The following TTI1 variants were observed in gnomAD, a reference collection of about 807,000 sequenced individuals.
The protein encoded by TTI1 is TELO2-interacting protein 1 homolog.
A neutral mutation model predicts 85.4 loss-of-function variants in TTI1; 52 were observed. The ratio of observed to expected loss-of-function variants is 0.61; its 90% CI spans 0.49 to 0.77. TTI1 has a LOEUF of 0.77. Ranked by LOEUF, TTI1 falls within the 30% of genes least tolerant of loss-of-function variation. The pLI is 0.00. For missense variants in TTI1, 1,173 were observed against 1,296.0 expected, an observed-to-expected ratio of 0.91 and a Z score of 1.46; for synonymous variants, 512 against 503.9, an observed-to-expected ratio of 1.02 and a Z score of -0.22.
chr20:37,984,743 C>T (rs371220139), intron 7 of TTI1, among the ~76,000 whole-genome samples: 1 of 152,166 alleles, frequency 6.6e-6, no homozygotes, highest in East Asian at 1.9e-4. Context: ...ACATATTGAC[C>T]ATTGATTGTC....
chr20:37,996,784 T>C lies in TTI1; in HGVS notation c.2963A>G (p.Gln988Arg). 6.2e-7 allele frequency: 1 copy of C among 1,613,676 alleles called. No homozygotes were observed. The highest frequency in any genetic ancestry group is 8.5e-7 in the Non-Finnish European group (1 of 1,179,646). The change falls in exon 6 of 8, where the codon CAG (glutamine) becomes CGG (arginine). Residue 988 changes from glutamine (Q) to arginine (R), a missense_variant. Gln to Arg is a conservative substitution (Grantham distance 43, BLOSUM62 1). Coordinates refer to ENST00000373447, the MANE Select transcript of TTI1 (RefSeq NM_001303457.2). The part of the protein sequence containing the change: ...LAFKLQLAVL[Q>R]GLGPLCERLD... ...TCTCTCACAGAGGGGGCCCAGGCCC[T>C]GTAAGACAGCCAGCTGCAACTTGAA...
intron 7 of TTI1, among the ~76,000 whole-genome samples, chr20:37,988,744 T>C (rs2073224333): frequency 6.6e-6 from 1 of 152,084 alleles, no homozygotes; most frequent in Non-Finnish European, 1.5e-5. Flanking sequence ...CGATACAGGC[T>C]CTCTCTATGT....
In TTI1 at chr20:38,002,866, A is replaced by C. The variant is rs535520482; in HGVS notation, c.2504-90T>G. On this transcript the variant is annotated intron_variant, in intron 3 of 7. Coordinates refer to ENST00000373447, the MANE Select transcript of TTI1 (RefSeq NM_001303457.2). ...TGTTCTTTATAAATTACTCAGTCTT[A>C]GGTATTTGGTTACAGCAGCACAAAT... The C allele has an allele frequency of 9.6e-5, 150 of 1,561,840 alleles. No individual in the cohort carries two copies. The African/African-American group carries it at 1.8e-3, about 19-fold the overall frequency.
Position 38,011,612 on chromosome 20 carries a change from T to C in TTI1, c.2205A>G (p.Ala735=). ...TGGCCAAGACATCTTGAACCACATCTGCCACCAAAGGAAGCAGGTTAGCAT... is the reference window on the plus strand; with the variant it reads ...TGGCCAAGACATCTTGAACCACATCCGCCACCAAAGGAAGCAGGTTAGCAT... ...NSDANLLPLV[A]DVVQDVLATL... is the part of the protein sequence containing the mutation. Residue 735 remains alanine, a synonymous_variant, in exon 2 of 8, where the codon GCA becomes GCG. Transcript: ENST00000373447. 1 of 1,614,226 alleles carries C rather than the reference T, an allele frequency of 6.2e-7. No individual in the cohort carries two copies. The highest frequency in any genetic ancestry group is 1.1e-5 in the South Asian group (1 of 91,080).
chr20:37,999,905 A>C (rs1196836990), intron 4 of TTI1, among the ~76,000 whole-genome samples: 2 of 150,776 alleles, frequency 1.3e-5, no homozygotes, highest in East Asian at 1.9e-4. Flanking sequence ...GGGAGCCGTC[A>C]AAGTGTTTTA....
At chr20:38,000,740 G>C (rs549817261) in intron 4 of TTI1, among the ~76,000 whole-genome samples, 17 of 152,304 alleles carry the variant, frequency 1.1e-4, no homozygotes, top group Non-Finnish European at 2.4e-4. Context: ...AAATGGCTTT[G>C]GTATCACTGA....
intron 7 of TTI1, among the ~76,000 whole-genome samples, chr20:37,994,100 T>C (rs1184838534): frequency 6.6e-6 from 1 of 152,216 alleles, no homozygotes; most frequent in African/African-American, 2.4e-5. Flanking sequence ...GGCCATGTGC[T>C]GAGATGGGAC....
intron 3 of TTI1, among the ~76,000 whole-genome samples, chr20:38,003,053 T>C (rs987260799): frequency 1.8e-4 from 27 of 152,152 alleles, no homozygotes; most frequent in African/African-American, 6.3e-4. Context: ...CTCAAACTTA[T>C]GGGGTCGAGT....
intron 1 of TTI1, among the ~76,000 whole-genome samples, chr20:38,023,388 G>A (rs2073795278): frequency 6.6e-6 from 1 of 152,208 alleles, no homozygotes; most frequent in Admixed American, 6.5e-5. Context: ...TGTGGTGGGG[G>A]AGCAGATATG....
chr20:38,021,559 C>T (rs1266899325), intron 1 of TTI1, among the ~76,000 whole-genome samples: 1 of 152,136 alleles, frequency 6.6e-6, no homozygotes, highest in East Asian at 1.9e-4. Flanking sequence ...ACAAAACCAC[C>T]CAGAGCTCAG....
intron 7 of TTI1, among the ~76,000 whole-genome samples, chr20:37,985,055 A>G (rs1210946511): frequency 6.6e-6 from 1 of 152,238 alleles, no homozygotes; most frequent in Non-Finnish European, 1.5e-5. Context: ...CCAAGGAAGG[A>G]ACAAGGAAGA....
At chr20:37,988,522 C>T (rs1221891657) in intron 7 of TTI1, among the ~76,000 whole-genome samples, 1 of 152,208 alleles carries the variant, frequency 6.6e-6, no homozygotes, top group Non-Finnish European at 1.5e-5. Context: ...TGCAGGGCTT[C>T]CAGCTCTCCT....
rs1211327428 is a variant in TTI1 at position 37,999,474 on chromosome 20, G to A, written c.2653-146C>T. On this transcript the variant is annotated intron_variant, in intron 4 of 7. Coordinates refer to ENST00000373447, the MANE Select transcript of TTI1 (RefSeq NM_001303457.2). ...CTGACTACATGCCAAGCACTAGCTA[G>A]GTACTGAGGGGACACACAGAGACAA... 5.9e-6 allele frequency: 5 copies of A among 845,246 alleles called. No individual in the cohort carries two copies. In the African/African-American group the frequency reaches 8.8e-5, roughly 15 times the overall value. 52.4% of individuals were successfully genotyped at this position (845,246 alleles called of 1,614,324 possible).
intron 7 of TTI1, among the ~76,000 whole-genome samples, chr20:37,987,721 T>G (rs967124205): frequency 2.5e-4 from 38 of 152,224 alleles, no homozygotes; most frequent in African/African-American, 8.4e-4. Flanking sequence ...TAAGCAACTG[T>G]TTCCATGGCA....
chr20:38,025,727 A>T (rs2073828751), intron 1 of TTI1, among the ~76,000 whole-genome samples: 1 of 152,222 alleles, frequency 6.6e-6, no homozygotes, highest in South Asian at 2.1e-4. Context: ...AAATGAAGGA[A>T]TAGAAAGCCT....
intron 7 of TTI1, among the ~76,000 whole-genome samples, chr20:37,993,743 G>T (rs2122499952): frequency 1.3e-5 from 2 of 152,330 alleles, no homozygotes; most frequent in Middle Eastern, 3.4e-3. Flanking sequence ...TCTGCCTAGG[G>T]TCGGAAACTC....
intron 4 of TTI1, among the ~76,000 whole-genome samples, chr20:37,999,547 G>C (rs1600618764): frequency 6.6e-6 from 1 of 152,214 alleles, no homozygotes; most frequent in Non-Finnish European, 1.5e-5. Context: ...GCTGGGGAAA[G>C]ACCTTAATTA....
intron 1 of TTI1, among the ~76,000 whole-genome samples, chr20:38,014,714 A>C (rs1464329891): frequency 6.6e-6 from 1 of 152,194 alleles, no homozygotes; most frequent in Non-Finnish European, 1.5e-5. Flanking sequence ...GCGAGCAGGC[A>C]AAGGAGAAAG....
chr20:38,009,619 A>G (rs6022351), intron 2 of TTI1, among the ~76,000 whole-genome samples: 91,463 of 151,306 alleles, frequency 0.6, 29,888 homozygotes, highest in African/African-American at 0.88. Context: ...TGATGCTTCT[A>G]CCTCCCAAGT....
Sources: gnomAD v4.1 joint callset for allele counts (sites outside exome capture counted in the v4.1 genomes callset) on GRCh38, gnomAD v4.1.1 for gene constraint, MANE v1.5 for transcripts, NCBI Gene and HGNC (gene_info 2026-07-23, HGNC 2026-07-21) for gene names.